Variants in EHMT1 observed in about 807,000 individuals in gnomAD.
EHMT1 encodes the protein histone-lysine N-methyltransferase EHMT1.
Under a neutral mutation model 147.2 loss-of-function variants are expected in EHMT1, and 15 were observed. The observed-to-expected ratio is 0.10, with a 90% CI of 0.07 to 0.16. EHMT1 has a LOEUF of 0.16. EHMT1 is among the 10% of genes least tolerant of loss of function. The pLI, the probability that EHMT1 is intolerant of heterozygous loss-of-function variation, is 1.00. For missense variants in EHMT1, 1,587 were observed against 1,772.4 expected, an observed-to-expected ratio of 0.90 and a Z score of 1.88; for synonymous variants, 795 against 709.6, an observed-to-expected ratio of 1.12 and a Z score of -1.91.
chr9:137,635,871 T>C (rs1299921718), intron 1 of EHMT1, among the ~76,000 whole-genome samples: 1 of 152,078 alleles, frequency 6.6e-6, no homozygotes, highest in African/African-American at 2.4e-5. Context: ...TTTGTAGTTA[T>C]TTCTTACAAG....
chr9:137,688,706 C>T (rs964495683), intron 1 of EHMT1, among the ~76,000 whole-genome samples: 17 of 152,212 alleles, frequency 1.1e-4, no homozygotes, highest in African/African-American at 4.1e-4. Context: ...TGATTACCAT[C>T]ACTTAGCAGT....
At chr9:137,728,670 C>G (rs547149475) in intron 4 of EHMT1, 141 bp downstream of exon 4, 1 of 1,142,278 alleles carries the variant, frequency 8.8e-7, no homozygotes, top group South Asian at 1.3e-5. Context: ...CCCTCCTGTG[C>G]TCGCCTGTAT....
chr9:137,781,253 G>GAT (rs1450632951), intron 14 of EHMT1, among the ~76,000 whole-genome samples: 2 of 114,720 alleles, frequency 1.7e-5, no homozygotes, highest in East Asian at 2.0e-4. Context: ...TGGGACGTGT[G>GAT]GTGACGACGC....
intron 1 of EHMT1, among the ~76,000 whole-genome samples, chr9:137,625,230 C>T (rs76034796): frequency 8.5e-4 from 130 of 152,280 alleles, no homozygotes; most frequent in Admixed American, 2.9e-3. Flanking sequence ...CCTTGCCGAA[C>T]CTTTAGGATC....
chr9:137,795,394 G>A (rs1464141843), intron 16 of EHMT1, among the ~76,000 whole-genome samples: 2 of 50,002 alleles, frequency 4.0e-5, no homozygotes, highest in Non-Finnish European at 1.0e-4. Flanking sequence ...CCATCCTATC[G>A]CAGGGTGCAC....
chr9:137,829,910 C>T (rs1956075750), intron 25 of EHMT1, among the ~76,000 whole-genome samples: 1 of 152,218 alleles, frequency 6.6e-6, no homozygotes, highest in Admixed American at 6.5e-5. Flanking sequence ...TATTAACAGA[C>T]ATTCTTCTGT....
chr9:137,718,844 C>T (rs1382699611), intron 3 of EHMT1, among the ~76,000 whole-genome samples: 1 of 151,726 alleles, frequency 6.6e-6, no homozygotes, highest in Non-Finnish European at 1.5e-5. Flanking sequence ...TAACCCCCGC[C>T]TCCCAGGTTT....
Position 137,828,987 on chromosome 9 carries a change from C to G in EHMT1, c.3541-5362C>G, listed in dbSNP as rs569335094. Among the ~76,000 whole-genome samples the G allele has an allele frequency of 1.4e-4, 22 of 152,320 alleles. No individual in the cohort carries two copies. Among genetic ancestry groups the G allele is most frequent in the African/African-American group, 5.1e-4 (21 of 41,558 alleles). On this transcript the variant is annotated intron_variant, in intron 25 of 26. Transcript: ENST00000460843. This position sits in a 1 kb window ranked among gnomAD's most constrained non-coding sequence, Gnocchi z 5.3. ...GCCTCTGGCGAAGTGAAGTGAGCAC[C>G]TGTAGTGAGGTCCACTCCAAGCACC... is the stretch of plus-strand genomic sequence containing the variant.
intron 1 of EHMT1, among the ~76,000 whole-genome samples, chr9:137,649,364 G>A (rs894654738): frequency 6.6e-6 from 1 of 152,154 alleles, no homozygotes; most frequent in African/African-American, 2.4e-5. Flanking sequence ...GGAGGCCGAG[G>A]CAGGAGAATT....
intron 4 of EHMT1, among the ~76,000 whole-genome samples, chr9:137,730,059 C>T (rs1946969832): frequency 6.6e-6 from 1 of 152,210 alleles, no homozygotes; most frequent in South Asian, 2.1e-4. Context: ...GTTTTGAGTA[C>T]AGGCCAGGTC....
intron 1 of EHMT1, among the ~76,000 whole-genome samples, chr9:137,692,416 C>G (rs189570772): frequency 1.5e-3 from 231 of 151,968 alleles, no homozygotes; most frequent in Non-Finnish European, 2.3e-3. Context: ...AGGCGTGCAC[C>G]ACCGCGCCGG....
At chr9:137,720,227 A>C (rs1425702356) in intron 3 of EHMT1, among the ~76,000 whole-genome samples, 1 of 152,116 alleles carries the variant, frequency 6.6e-6, no homozygotes, top group African/African-American at 2.4e-5. Context: ...AGGGTCCCTG[A>C]CGTCACCCTG....
At chr9:137,766,612 CACAAAA>C (rs767792057) in intron 10 of EHMT1, among the ~76,000 whole-genome samples, 218 of 152,218 alleles carry the variant, frequency 1.4e-3, no homozygotes, top group East Asian at 2.7e-3. Flanking sequence ...GAGACTCCGT[CACAAAA>C]ACAAAAACAA....
chr9:137,717,115 C>A lies in EHMT1; in HGVS notation c.575C>A (p.Pro192Gln). 1 of 1,612,520 alleles carries A rather than the reference C, an allele frequency of 6.2e-7. No homozygotes were observed. ...GSADTEDRKL[P>Q]APGADVKVHR... ...GCTGACACAGAGGACAGGAAGCTCC[C>A]GGCCCCTGGCGCCGACGTCAAGGTC... is the stretch of plus-strand genomic sequence containing the variant. Residue 192 changes from proline to glutamine, a missense_variant, in exon 3 of 27, where the codon CCG (proline) becomes CAG (glutamine). Pro to Gln is a moderately conservative substitution (Grantham distance 76). Coordinates refer to ENST00000460843, the MANE Select transcript of EHMT1 (RefSeq NM_024757.5).
In EHMT1 at chr9:137,711,000, T is replaced by C. The variant is rs1250949263; in HGVS notation, c.55T>C (p.Cys19Arg). ...VPARGEPQQDCCVKTELLGEE... is the reference protein window; with the variant it reads ...VPARGEPQQDRCVKTELLGEE... ...GGCGAGGGGGGAGCCTCAGCAGGAT[T>C]GCTGTGTGAAAACCGAGCTGCTGGG... The change falls in exon 2 of 27, where the codon TGC becomes CGC. Residue 19 changes from cysteine (C) to arginine (R), a missense_variant. Transcript: ENST00000460843. 1.9e-6 allele frequency: 3 copies of C among 1,599,618 alleles called. No individual in the cohort carries two copies. The highest frequency in any genetic ancestry group is 2.6e-6 in the Non-Finnish European group (3 of 1,173,726).
chr9:137,713,805 C>T (rs577967897), intron 2 of EHMT1, among the ~76,000 whole-genome samples: 4 of 151,788 alleles, frequency 2.6e-5, no homozygotes, highest in African/African-American at 9.7e-5. Context: ...CAAAAATTAG[C>T]GGGATGTGGT....
At chr9:137,814,402 G>C (rs1414251151) in intron 21 of EHMT1, 29 bp from the exon 22 acceptor site, 6 of 1,610,868 alleles carry the variant, frequency 3.7e-6, no homozygotes, top group Non-Finnish European at 5.1e-6. Context: ...GTGCCTGCAC[G>C]TCTGACCCCC....
Position 137,800,993 on chromosome 9 carries a change from G to A in EHMT1, c.2712+9G>A, listed in dbSNP as rs766635512. 6.1e-5 allele frequency: 98 copies of A among 1,613,480 alleles called. No individual in the cohort carries two copies. The highest frequency in any genetic ancestry group is 4.0e-4 in the South Asian group (36 of 91,050). The stretch of plus-strand genomic sequence containing the variant: ...TCAACATCCGAGACAACGTAAGTTC[G>A]TCACACCCTCCCCGGGAGCCGTGTC... On this transcript the variant is annotated intron_variant, in intron 18 of 26. Transcript: ENST00000460843.
At chr9:137,812,330 T>C (rs1954560001) in intron 19 of EHMT1, among the ~76,000 whole-genome samples, 2 of 151,872 alleles carry the variant, frequency 1.3e-5, no homozygotes, top group Admixed American at 1.3e-4. Context: ...CAGAGTGAGA[T>C]TCTGTCTCAA....
Sources: allele counts gnomAD v4.1 joint callset (sites outside exome capture counted in the v4.1 genomes callset), GRCh38; gene constraint gnomAD v4.1.1; non-coding constraint Gnocchi (gnomAD v3.1); transcripts MANE v1.5; gene names NCBI Gene and HGNC (gene_info 2026-07-23, HGNC 2026-07-21).